The following LCORL variants were observed in gnomAD, a reference collection of about 807,000 sequenced individuals.
LCORL encodes the protein ligand dependent nuclear receptor corepressor like.
In LCORL, 41 loss-of-function variants were observed where a neutral mutation model predicts 141.8. The ratio of observed to expected loss-of-function variants is 0.29; its 90% CI spans 0.23 to 0.38. The LOEUF is 0.38. Ranked by LOEUF, LCORL falls within the 10% of genes least tolerant of loss-of-function variation. LCORL has a pLI of 1.00. For synonymous variants in LCORL, 618 were observed against 694.1 expected (o/e 0.89, Z 1.72); for missense variants, 1,759 against 2,035.0 (o/e 0.86, Z 2.61).
intron 4 of LCORL, chr4:17,911,791 G>T: frequency 4.4e-6 from 2 of 453,256 alleles, no homozygotes; most frequent in East Asian, 5.3e-5. Context: ...TGCAGGTGCC[G>T]GGAGCTCTGG....
rs1553863446 is a variant in LCORL, at chr4:17,897,213, C to CCTTTTTTTTTTTTTTTTTTTTTTTTT, written c.683-11053_683-11052insAAAAAAAAAAAAAAAAAAAAAAAAAG. Among the ~76,000 whole-genome samples the CCTTTTTTTTTTTTTTTTTTTTTTTTT allele has an allele frequency of 1.1e-3, 70 of 63,986 alleles. 34 individuals carry two copies. The highest frequency in any genetic ancestry group is 9.2e-4 in the African/African-American group (16 of 17,324). 42.0% of individuals were successfully genotyped at this position (63,986 alleles called of 152,430 possible). A position where few individuals can be genotyped will look rare whatever the true frequency, so the allele number is the denominator to read the frequency against. ...AGACTTCTCTTTGATATACTGATTT[C>CCTTTTTTTTTTTTTTTTTTTTTTTTT]TTTTTTTTTTTTTTTTTTTTTTTTT... On this transcript the variant is annotated intron_variant, in intron 5 of 7. Transcript: ENST00000635767.
chr4:17,938,747 A>C (rs1414672103), intron 4 of LCORL, among the ~76,000 whole-genome samples: 1 of 152,186 alleles, frequency 6.6e-6, no homozygotes, highest in Non-Finnish European at 1.5e-5. Flanking sequence ...TTATTATACA[A>C]AATACTTAGA....
intron 2 of LCORL, among the ~76,000 whole-genome samples, chr4:17,966,765 T>C (rs1714967545): frequency 6.6e-6 from 1 of 152,132 alleles, no homozygotes; most frequent in Non-Finnish European, 1.5e-5. Context: ...TTAGAATGGT[T>C]AAAATCCAAA....
At chr4:17,975,456 C>T (rs530093011) in intron 1 of LCORL, among the ~76,000 whole-genome samples, 8 of 151,542 alleles carry the variant, frequency 5.3e-5, no homozygotes, top group Admixed American at 1.3e-4. Flanking sequence ...AGTGCAGTGG[C>T]GTGATCTCGG....
In LCORL at chr4:17,917,208, G is replaced by GT. The variant is rs1273158212; in HGVS notation, c.431-7864dup. On this transcript the variant is annotated intron_variant, in intron 4 of 7. Coordinates refer to ENST00000635767, the Ensembl canonical transcript of LCORL. ...GGCTGAGTTTTTTTTGTTTTGTTTTGTTTTTTTTTGAGAAGGAGCCTCGTT... is the reference window on the plus strand; with the variant it reads ...GGCTGAGTTTTTTTTGTTTTGTTTTGTTTTTTTTTTGAGAAGGAGCCTCGTT... Among the ~76,000 whole-genome samples, 493 of 148,766 alleles carry GT rather than the reference G, an allele frequency of 3.3e-3. 3 individuals are homozygous for GT. The highest frequency in any genetic ancestry group is 0.011 in the African/African-American group (425 of 40,322).
intron 6 of LCORL, chr4:17,880,868 G>T: frequency 1.2e-6 from 1 of 856,896 alleles, no homozygotes; most frequent in Non-Finnish European, 1.4e-6. Context: ...GAATTATAGT[G>T]CAATTGATTT....
chr4:17,965,987 A>G (rs894603046), intron 2 of LCORL, among the ~76,000 whole-genome samples: 1 of 151,968 alleles, frequency 6.6e-6, no homozygotes, highest in Non-Finnish European at 1.5e-5. Context: ...TTTCATGAAG[A>G]TCATGAAACA....
chr4:17,902,973 A>T (rs1731100181), intron 5 of LCORL, among the ~76,000 whole-genome samples: 1 of 152,092 alleles, frequency 6.6e-6, no homozygotes, highest in South Asian at 2.1e-4. Flanking sequence ...ATCATGACAC[A>T]ATGTTCCACA....
At chr4:17,964,868 T>C (rs1403691638) in intron 2 of LCORL, among the ~76,000 whole-genome samples, 93 of 142,186 alleles carry the variant, frequency 6.5e-4, no homozygotes, top group African/African-American at 2.5e-3. Context: ...TTACTGCCCT[T>C]TTTTTTTTTT....
rs1231775510 is a variant in LCORL, at chr4:18,021,793, G to A, written c.-42C>T. 6.9e-7 allele frequency: 1 copy of A among 1,443,458 alleles called. No homozygotes were observed. Among genetic ancestry groups the A allele is most frequent in the South Asian group, 1.5e-5 (1 of 68,082 alleles). The allele number at this position is 1,443,458 out of a possible 1,614,324, so 89.4% of individuals were successfully genotyped here. ...GCGCCCTCATTTACATACGAGCAGC[G>A]CAGGCACGAGGCAGGGGCGCGAGCC... On this transcript the variant is annotated 5_prime_UTR_variant, in exon 1 of 8. Transcript: ENST00000635767. The surrounding 1 kb of genome is among the most constrained non-coding windows in gnomAD (Gnocchi z 5.5).
chr4:18,006,571 T>G (rs1469578894), intron 1 of LCORL, among the ~76,000 whole-genome samples: 1 of 152,140 alleles, frequency 6.6e-6, no homozygotes, highest in Non-Finnish European at 1.5e-5. Context: ...GGATTTACAG[T>G]TTGAAGTGGC....
intron 4 of LCORL, among the ~76,000 whole-genome samples, chr4:17,961,454 T>C (rs1178251660): frequency 6.6e-6 from 1 of 151,968 alleles, no homozygotes; most frequent in Admixed American, 6.6e-5. Context: ...AAATAAATAT[T>C]GAAATAGCAA....
At chr4:17,880,507 T>A (rs1335066530) in intron 6 of LCORL, 1 of 952,460 alleles carries the variant, frequency 1.0e-6, no homozygotes, top group African/African-American at 1.8e-5. Context: ...CACTAGAAAC[T>A]TGTTGGAATA....
exon 7 of LCORL, chr4:17,875,876 A>T (rs1726863697): frequency 8.1e-7 from 1 of 1,231,108 alleles, no homozygotes; most frequent in Admixed American, 4.2e-5. Flanking sequence ...TTTCTTTTGC[A>T]TGACTGAATT....
chr4:17,875,190 G>C (rs1726788245), exon 7 of LCORL: 1 of 1,231,630 alleles, frequency 8.1e-7, no homozygotes, highest in Non-Finnish European at 1.0e-6. Context: ...TCTTTCCTGA[G>C]GTGAAGTTCT....
At chr4:17,971,015 C>A (rs966707934) in intron 2 of LCORL, among the ~76,000 whole-genome samples, 2 of 151,992 alleles carry the variant, frequency 1.3e-5, no homozygotes, top group African/African-American at 4.8e-5. Context: ...AAATAGATAA[C>A]GCTCTAAGGG....
At chr4:17,917,724 G>A (rs1027929172) in intron 4 of LCORL, among the ~76,000 whole-genome samples, 2 of 152,086 alleles carry the variant, frequency 1.3e-5, no homozygotes, top group Non-Finnish European at 2.9e-5. Context: ...GGTCTCTTGC[G>A]GGTTGTTGTT....
At chr4:17,888,940 G>A (rs138656579) in intron 5 of LCORL, among the ~76,000 whole-genome samples, 175 of 152,100 alleles carry the variant, frequency 1.2e-3, no homozygotes, top group Non-Finnish European at 9.9e-4. Context: ...CCCTAAGTCT[G>A]TTACTCTTAG....
chr4:17,927,205 G>C (rs533184932), intron 4 of LCORL, among the ~76,000 whole-genome samples: 2 of 152,288 alleles, frequency 1.3e-5, no homozygotes, highest in Non-Finnish European at 2.9e-5. Context: ...ATCTCTGCTA[G>C]CTTCCAACTT....
Sources: gnomAD v4.1 joint callset for allele counts (sites outside exome capture counted in the v4.1 genomes callset) on GRCh38, gnomAD v4.1.1 for gene constraint, Gnocchi (gnomAD v3.1) non-coding constraint, MANE v1.5 for transcripts, NCBI Gene and HGNC (gene_info 2026-07-23, HGNC 2026-07-21) for gene names.